EPHA6: variants seen among roughly 807,000 people sequenced by gnomAD.
EPHA6 encodes EPH receptor A6.
A neutral mutation model predicts 112.0 loss-of-function variants in EPHA6; 50 were observed. The observed-to-expected ratio is 0.45, with a 90% CI of 0.36 to 0.56. EPHA6 has a LOEUF of 0.56. Among genes scored for constraint, EPHA6 ranks in the 20% least tolerant of loss-of-function variants. The pLI, the probability that EPHA6 is intolerant of heterozygous loss-of-function variation, is 0.00. For missense variants in EPHA6, 1,280 were observed against 1,417.4 expected (o/e 0.90, Z 1.56); for synonymous variants, 529 against 490.7 (o/e 1.08, Z -1.03).
chr3:96,859,382 A>AG (rs2035880934), intron 1 of EPHA6, among the ~76,000 whole-genome samples: 2 of 135,050 alleles, frequency 1.5e-5, no homozygotes, highest in African/African-American at 7.1e-5. Flanking sequence ...GATAATGGTT[A>AG]ATTTTTTTTT....
chr3:97,033,342 T>G (rs2044951536), intron 3 of EPHA6, among the ~76,000 whole-genome samples: 1 of 152,066 alleles, frequency 6.6e-6, no homozygotes, highest in Middle Eastern at 3.4e-3. Context: ...TAGACAAAAT[T>G]TAACCTAGGA....
At chr3:97,379,726 G>A (rs1490801527) in intron 5 of EPHA6, among the ~76,000 whole-genome samples, 8 of 123,390 alleles carry the variant, frequency 6.5e-5, no homozygotes, top group Admixed American at 1.0e-4. Flanking sequence ...TCCAGCCTGG[G>A]CAAGAGGGTG....
At chr3:96,928,261 T>C (rs1029662325) in intron 2 of EPHA6, among the ~76,000 whole-genome samples, 9 of 152,232 alleles carry the variant, frequency 5.9e-5, no homozygotes, top group Non-Finnish European at 7.3e-5. Context: ...TATGAGCATT[T>C]AGTGCTATAA....
chr3:96,893,880 T>C (rs2107548938), intron 2 of EPHA6, among the ~76,000 whole-genome samples: 1 of 152,294 alleles, frequency 6.6e-6, no homozygotes, highest in South Asian at 2.1e-4. Context: ...CATTACATGA[T>C]GGAAAAGTGA....
intron 3 of EPHA6, among the ~76,000 whole-genome samples, chr3:97,108,092 A>T (rs1323118397): frequency 2.0e-5 from 3 of 152,148 alleles, no homozygotes; most frequent in African/African-American, 7.2e-5. Flanking sequence ...GACCTTTATA[A>T]TTCTAGCTGG....
At chr3:97,656,976 G>A (rs1299721349) in intron 14 of EPHA6, among the ~76,000 whole-genome samples, 1 of 151,798 alleles carries the variant, frequency 6.6e-6, no homozygotes, top group African/African-American at 2.4e-5. Flanking sequence ...TGTATAATAT[G>A]TGTCACAAAA....
chr3:97,231,278 G>A (rs2078517260), intron 4 of EPHA6, among the ~76,000 whole-genome samples: 1 of 152,068 alleles, frequency 6.6e-6, no homozygotes, highest in Non-Finnish European at 1.5e-5. Flanking sequence ...TCTTTCTCAA[G>A]GCTTCTCTCT....
At chr3:97,607,224 A>G (rs1315216363) in intron 12 of EPHA6, among the ~76,000 whole-genome samples, 2 of 150,282 alleles carry the variant, frequency 1.3e-5, no homozygotes, top group Non-Finnish European at 3.0e-5. Flanking sequence ...CACTGGCAAA[A>G]TACTTTAACC....
chr3:97,648,372 T>C, intron 14 of EPHA6: 1 of 1,557,562 alleles, frequency 6.4e-7, no homozygotes, highest in Non-Finnish European at 8.6e-7. Context: ...TAAGAAGACA[T>C]AGCCTACACC....
At chr3:97,653,933 A>G (rs74971475) in intron 14 of EPHA6, among the ~76,000 whole-genome samples, 4,161 of 152,048 alleles carry the variant, frequency 0.027, 167 homozygotes, top group African/African-American at 0.093. Context: ...TGTAGAATCT[A>G]AAATAGTCTC....
intron 6 of EPHA6, among the ~76,000 whole-genome samples, chr3:97,441,887 G>A (rs976775930): frequency 6.6e-6 from 1 of 151,938 alleles, no homozygotes; most frequent in African/African-American, 2.4e-5. Flanking sequence ...GAGAGAAAAT[G>A]ATGATTTATT....
At chr3:97,273,052 G>T (rs2079945938) in intron 5 of EPHA6, among the ~76,000 whole-genome samples, 1 of 152,110 alleles carries the variant, frequency 6.6e-6, no homozygotes, top group African/African-American at 2.4e-5. Context: ...CTGGTAAGGG[G>T]TGATATTGTG....
At chr3:97,145,151 A>T (rs2076008764) in intron 3 of EPHA6, among the ~76,000 whole-genome samples, 1 of 151,358 alleles carries the variant, frequency 6.6e-6, no homozygotes, top group African/African-American at 2.4e-5. Flanking sequence ...TATTAAGGTA[A>T]TTTTTTCCTT....
chr3:97,600,764 A>G (rs1428262332), intron 12 of EPHA6, among the ~76,000 whole-genome samples: 1 of 152,020 alleles, frequency 6.6e-6, no homozygotes, highest in African/African-American at 2.4e-5. Context: ...TGCTGAACTG[A>G]CATAAGTGAG....
chr3:97,086,863 A>T (rs929549013), intron 3 of EPHA6, among the ~76,000 whole-genome samples: 5 of 152,166 alleles, frequency 3.3e-5, no homozygotes, highest in African/African-American at 4.8e-5. Context: ...TAGATTTTTT[A>T]AAAGTTTTTT....
chr3:97,029,870 G>A (rs942288640), intron 3 of EPHA6, among the ~76,000 whole-genome samples: 3 of 152,122 alleles, frequency 2.0e-5, no homozygotes, highest in African/African-American at 7.2e-5. Flanking sequence ...TAACAATACT[G>A]GTATCATTGA....
chr3:97,188,912 T>C (rs2077227909), intron 3 of EPHA6, among the ~76,000 whole-genome samples: 1 of 151,904 alleles, frequency 6.6e-6, no homozygotes, highest in Non-Finnish European at 1.5e-5. Flanking sequence ...GATGAGCAGT[T>C]TGGGATTAGG....
In EPHA6 at chr3:97,540,268, C is replaced by T. The variant is rs190361234; in HGVS notation, c.2386+7725C>T. On this transcript the variant is annotated intron_variant, in intron 11 of 17. Coordinates refer to ENST00000389672, the MANE Select transcript of EPHA6 (RefSeq NM_001080448.3). The stretch of plus-strand genomic sequence containing the variant: ...GCTTGATGGATTCTCAGGACATTTA[C>T]TGGGAACTATTTGCCATGTGGAATT... Among the ~76,000 whole-genome samples, 624 of 152,222 alleles carry T rather than the reference C, an allele frequency of 4.1e-3. 4 individuals are homozygous for T. Among genetic ancestry groups the T allele is most frequent in the African/African-American group, 0.014 (564 of 41,530 alleles).
chr3:97,431,843 C>T (rs2089528740), intron 6 of EPHA6, among the ~76,000 whole-genome samples: 1 of 152,062 alleles, frequency 6.6e-6, no homozygotes. Flanking sequence ...TTATTGCTGT[C>T]CACCTTCAAC....
Sources: gnomAD v4.1 joint callset for allele counts (sites outside exome capture counted in the v4.1 genomes callset) on GRCh38, gnomAD v4.1.1 for gene constraint, MANE v1.5 for transcripts, NCBI Gene and HGNC (gene_info 2026-07-23, HGNC 2026-07-21) for gene names.